The following VLDLR variants were observed in gnomAD, a reference collection of about 807,000 sequenced individuals.
VLDLR encodes the protein very low density lipoprotein receptor.
VLDLR carries 81 observed loss-of-function variants against 112.7 expected under a neutral mutation model. The observed-to-expected ratio is 0.72, with a 90% CI of 0.60 to 0.86. VLDLR has a LOEUF of 0.86. VLDLR is among the 40% of genes least tolerant of loss of function. VLDLR has a pLI of 0.00. For missense variants in VLDLR, 1,237 were observed against 1,099.4 expected, an observed-to-expected ratio of 1.13 and a Z score of -1.77; for synonymous variants, 436 against 384.8, an observed-to-expected ratio of 1.13 and a Z score of -1.56.
At chr9:2,635,674 T>C (rs1817572644) in intron 2 of VLDLR, 102 bp downstream of exon 2, 3 of 1,566,354 alleles carry the variant, frequency 1.9e-6, no homozygotes, top group Non-Finnish European at 8.8e-7. Flanking sequence ...CTTCTAACAA[T>C]TGCTTTGAAA....
At position 2,659,116 on chromosome 9, in the gene VLDLR, C is replaced by T. The variant is rs1373875948; in HGVS notation, c.*5248C>T. 2.6e-5 allele frequency: 4 copies of T among 152,220 alleles called. No individual in the cohort carries two copies. Among genetic ancestry groups the T allele is most frequent in the African/African-American group, 9.6e-5 (4 of 41,456 alleles). The allele number at this position is 152,220 out of a possible 1,614,324, so 9.4% of individuals were successfully genotyped here. ...TTCTTACCATATGCTTACTTTTGTACTAAGTAAGTGCTCCCAAGTCTTTTA... is the reference window on the plus strand; with the variant it reads ...TTCTTACCATATGCTTACTTTTGTATTAAGTAAGTGCTCCCAAGTCTTTTA... On this transcript the variant is annotated 3_prime_UTR_variant, in exon 19 of 19. Transcript: ENST00000382100.
rs35464166 is a variant in VLDLR, at chr9:2,639,745, T to C, written c.203-114T>C. 12,019 of 1,534,736 alleles carry C rather than the reference T, an allele frequency of 7.8e-3. 777 individuals are homozygous for C. In the African/African-American group the frequency reaches 0.14, roughly 18 times the overall value. Reference sequence around the variant, plus strand: ...TGGATATTGGCAGTTGAGTGCCCATTGACTCAGCTTTTTTTTAGAGCAAAA... The same window carrying C: ...TGGATATTGGCAGTTGAGTGCCCATCGACTCAGCTTTTTTTTAGAGCAAAA... On this transcript the variant is annotated intron_variant, in intron 2 of 18. Coordinates refer to ENST00000382100, the MANE Select transcript of VLDLR (RefSeq NM_003383.5).
intron 4 of VLDLR, among the ~76,000 whole-genome samples, chr9:2,642,328 G>A (rs1817867789): frequency 6.6e-6 from 1 of 152,204 alleles, no homozygotes; most frequent in Admixed American, 6.5e-5. Flanking sequence ...TGAAACACCA[G>A]TCTTGTGTGT....
chr9:2,645,428 C>A, intron 9 of VLDLR, 146 bp from the exon 10 acceptor site: 1 of 1,037,628 alleles, frequency 9.6e-7, no homozygotes, highest in Non-Finnish European at 1.5e-6. Flanking sequence ...CTTGCAGGTC[C>A]CAGGGGCAGG....
chr9:2,634,270 C>G (rs553571421), intron 1 of VLDLR, among the ~76,000 whole-genome samples: 1 of 152,278 alleles, frequency 6.6e-6, no homozygotes, highest in African/African-American at 2.4e-5. Context: ...CACAAGAGTT[C>G]CAGTCTGTGC....
rs1052134258 is a variant in VLDLR, at chr9:2,659,712, C to T, written c.*5844C>T. 6.6e-6 allele frequency: 1 copy of T among 152,226 alleles called. No homozygotes were observed. 9.4% of individuals were successfully genotyped at this position (152,226 alleles called of 1,614,324 possible). On this transcript the variant is annotated 3_prime_UTR_variant, in exon 19 of 19. Coordinates refer to ENST00000382100, the MANE Select transcript of VLDLR (RefSeq NM_003383.5). ...GGCTTGTAACTCAATGATGCTATAA[C>T]TCCAGCACTGGATCTTAAGTATTCT...
At chr9:2,625,923 G>A (rs1302900880) in intron 1 of VLDLR, among the ~76,000 whole-genome samples, 2 of 152,174 alleles carry the variant, frequency 1.3e-5, no homozygotes, top group Admixed American at 6.5e-5. Flanking sequence ...CCTAGCTATA[G>A]GCGAATCTGG....
intron 1 of VLDLR, among the ~76,000 whole-genome samples, chr9:2,627,864 CAAAA>C (rs544070052): frequency 9.6e-6 from 1 of 104,406 alleles, no homozygotes; most frequent in African/African-American, 3.4e-5. Context: ...GAATCCATCT[CAAAA>C]AAAAAAAAAA....
chr9:2,622,135 G>A lies in VLDLR; in HGVS notation c.-55G>A. The A allele has an allele frequency of 7.0e-7, 1 of 1,427,632 alleles. No individual in the cohort carries two copies. Among genetic ancestry groups the A allele is most frequent in the Non-Finnish European group, 9.2e-7 (1 of 1,086,962 alleles). 88.4% of individuals were successfully genotyped at this position (1,427,632 alleles called of 1,614,324 possible). On this transcript the variant is annotated 5_prime_UTR_variant, in exon 1 of 19. In the 5' UTR this introduces an upstream ATG that the reference lacks. Transcript: ENST00000382100. ...CTTTCGGAAGGACTGGTAACTTGTC[G>A]TGCGGAGCGAACGGCGGCGGCGGCG... is the stretch of plus-strand genomic sequence containing the variant.
At position 2,622,171 on chromosome 9, in the gene VLDLR, C is replaced by CGGT. The variant is rs1554617690; in HGVS notation, c.-19_-18insGGT. The CGGT allele has an allele frequency of 6.8e-7, 1 of 1,476,278 alleles. No homozygotes were observed. Among genetic ancestry groups the CGGT allele is most frequent in the Non-Finnish European group, 8.9e-7 (1 of 1,117,646 alleles). The allele number at this position is 1,476,278 out of a possible 1,614,324, so 91.4% of individuals were successfully genotyped here. A position where few individuals can be genotyped will look rare whatever the true frequency, so the allele number is the denominator to read the frequency against. On this transcript the variant is annotated 5_prime_UTR_variant, in exon 1 of 19. Transcript: ENST00000382100. ...ACGGCGGCGGCGGCGGCGGCGGCGG[C>CGGT]ACCATCCAGGCGGGCACCATGGGCA...
chr9:2,653,077 T>C, intron 18 of VLDLR, 128 bp downstream of exon 18: 1 of 1,220,264 alleles, frequency 8.2e-7, no homozygotes, highest in Non-Finnish European at 1.2e-6. Context: ...TACCTGGCTA[T>C]TAGACAGACA....
At chr9:2,636,925 G>A (rs1168202684) in intron 2 of VLDLR, among the ~76,000 whole-genome samples, 1 of 152,134 alleles carries the variant, frequency 6.6e-6, no homozygotes, top group Non-Finnish European at 1.5e-5. Context: ...TGTTGCACAA[G>A]TCTTTTTTTA....
chr9:2,651,356 A>C, intron 15 of VLDLR, 59 bp from the exon 16 acceptor site: 1 of 1,490,318 alleles, frequency 6.7e-7, no homozygotes, highest in South Asian at 1.1e-5. Context: ...TGTCTGGACA[A>C]AACAGCTAGC....
rs1476758620 is a variant in VLDLR, at chr9:2,649,477, C to T, written c.2104+667C>T. Among the ~76,000 whole-genome samples the T allele has an allele frequency of 5.3e-5, 8 of 152,226 alleles. No individual in the cohort carries two copies. The South Asian group carries it at 6.2e-4, about 12-fold the overall frequency. ...CACAATCTCGGCTCACTGCAACCTC[C>T]GCCTCCTGTGTTCAAGCAATTCTCC... On this transcript the variant is annotated intron_variant, in intron 14 of 18. Coordinates refer to ENST00000382100, the MANE Select transcript of VLDLR (RefSeq NM_003383.5).
intron 1 of VLDLR, among the ~76,000 whole-genome samples, chr9:2,634,660 T>A (rs1817522337): frequency 6.6e-6 from 1 of 152,208 alleles, no homozygotes. Context: ...CATCTTCAGC[T>A]CCACCTCACT....
intron 1 of VLDLR, among the ~76,000 whole-genome samples, chr9:2,628,929 T>A (rs2130765085): frequency 6.6e-6 from 1 of 152,362 alleles, no homozygotes; most frequent in Non-Finnish European, 1.5e-5. Flanking sequence ...TTAGGCCTTA[T>A]GAGGGTGTTA....
intron 2 of VLDLR, among the ~76,000 whole-genome samples, chr9:2,637,195 A>G (rs894433055): frequency 5.9e-5 from 9 of 152,232 alleles, no homozygotes; most frequent in African/African-American, 2.2e-4. Context: ...TTGTTTCTCT[A>G]TGGAAGAGGA....
chr9:2,622,981 C>T (rs557655367), intron 1 of VLDLR, among the ~76,000 whole-genome samples: 33 of 152,222 alleles, frequency 2.2e-4, no homozygotes, highest in Non-Finnish European at 4.3e-4. Context: ...GTTTGGAAAC[C>T]GCTCGGGTCT....
chr9:2,647,463 A>AT lies in VLDLR; in HGVS notation c.1704-6dup. ...ACCACTGAGGCTTATTTCTCATTTA[A>AT]TTTTTCACAGCTTTGTTTACTGGTC... On this transcript the variant is annotated splice_polypyrimidine_tract_variant and intron_variant, in intron 11 of 18. Coordinates refer to ENST00000382100, the MANE Select transcript of VLDLR (RefSeq NM_003383.5). The AT allele has an allele frequency of 6.2e-7, 1 of 1,611,506 alleles. No homozygotes were observed. The highest frequency in any genetic ancestry group is 8.5e-7 in the Non-Finnish European group (1 of 1,177,696).
Sources: gnomAD v4.1 joint callset for allele counts (sites outside exome capture counted in the v4.1 genomes callset) on GRCh38, gnomAD v4.1.1 for gene constraint, MANE v1.5 for transcripts, NCBI Gene and HGNC (gene_info 2026-07-23, HGNC 2026-07-21) for gene names.